Variants in ENTHD1 observed in about 807,000 individuals in gnomAD.
The protein encoded by ENTHD1 is ENTH domain containing 1, also known as ENTH domain-containing protein 1.
In ENTHD1, 23 loss-of-function variants were observed where a neutral mutation model predicts 39.1. That is an observed-to-expected ratio of 0.59 (90% CI 0.42 to 0.83). The LOEUF (loss-of-function observed/expected upper bound fraction) is 0.83. Among genes scored for constraint, ENTHD1 ranks in the 40% least tolerant of loss-of-function variants. ENTHD1 has a pLI of 0.00. For missense variants in ENTHD1, 624 were observed against 705.4 expected (o/e 0.88, Z 1.31); for synonymous variants, 230 against 258.2 (o/e 0.89, Z 1.05).
intron 5 of ENTHD1, among the ~76,000 whole-genome samples, chr22:39,814,035 A>G (rs546965645): frequency 7.7e-4 from 118 of 152,286 alleles, no homozygotes; most frequent in Middle Eastern, 3.4e-3. Flanking sequence ...AAAAAAACAC[A>G]TTAAGGAAGA....
At chr22:39,815,478 A>C (rs1287481873) in intron 5 of ENTHD1, among the ~76,000 whole-genome samples, 3 of 152,068 alleles carry the variant, frequency 2.0e-5, no homozygotes, top group Non-Finnish European at 4.4e-5. Flanking sequence ...ATTTTAGAAC[A>C]AATGATACCC....
intron 5 of ENTHD1, among the ~76,000 whole-genome samples, chr22:39,816,944 A>C (rs766592173): frequency 8.6e-5 from 13 of 151,862 alleles, no homozygotes; most frequent in Admixed American, 3.3e-4. Context: ...ATATATCTCT[A>C]TATATATAGC....
At position 39,848,988 on chromosome 22, in the gene ENTHD1, C is replaced by T. The variant is rs2066013730; in HGVS notation, c.592+12777G>A. On this transcript the variant is annotated intron_variant, in intron 3 of 6. Transcript: ENST00000325157. ...AGTTTTTCTCCACTATTCAAAAATGCCACTTCTGTCATTTACTGATTCCAT... is the reference window on the plus strand; with the variant it reads ...AGTTTTTCTCCACTATTCAAAAATGTCACTTCTGTCATTTACTGATTCCAT... Among the ~76,000 whole-genome samples the T allele has an allele frequency of 1.3e-5, 2 of 152,118 alleles. 1 individual carries two copies. The highest frequency in any genetic ancestry group is 4.1e-4 in the South Asian group (2 of 4,826).
chr22:39,885,832 A>G (rs1285493575), intron 2 of ENTHD1, among the ~76,000 whole-genome samples: 1 of 152,160 alleles, frequency 6.6e-6, no homozygotes, highest in Non-Finnish European at 1.5e-5. Flanking sequence ...CTATTGCTTA[A>G]TGCTTACGGG....
Position 39,765,206 on chromosome 22 carries a change from G to T in ENTHD1, c.1219+17C>A. ...TGTGTGTGTGTGTGTGTGTGTGTGTGTGTTTGGCAGACTCACCCCGTGTGG... is the reference window on the plus strand; with the variant it reads ...TGTGTGTGTGTGTGTGTGTGTGTGTTTGTTTGGCAGACTCACCCCGTGTGG... On this transcript the variant is annotated intron_variant, in intron 6 of 6. Transcript: ENST00000325157. 1.3e-6 allele frequency: 2 copies of T among 1,563,484 alleles called. No individual in the cohort carries two copies.
At chr22:39,797,718 G>A (rs1274650158) in intron 5 of ENTHD1, among the ~76,000 whole-genome samples, 1 of 152,084 alleles carries the variant, frequency 6.6e-6, no homozygotes, top group African/African-American at 2.4e-5. Context: ...TAGTATTCTT[G>A]GCTGGAAAGT....
intron 2 of ENTHD1, among the ~76,000 whole-genome samples, chr22:39,877,189 A>G (rs756089898): frequency 1.3e-5 from 2 of 152,202 alleles, no homozygotes; most frequent in African/African-American, 2.4e-5. Context: ...AGCCTTGCCA[A>G]CTGTTTCTAG....
At chr22:39,761,452 G>C (rs2065232159) in intron 6 of ENTHD1, among the ~76,000 whole-genome samples, 1 of 152,002 alleles carries the variant, frequency 6.6e-6, no homozygotes, top group Admixed American at 6.6e-5. Flanking sequence ...GGGCATTTTG[G>C]ATCTGAAAGT....
intron 5 of ENTHD1, among the ~76,000 whole-genome samples, chr22:39,788,426 G>T (rs2146596430): frequency 6.6e-6 from 1 of 152,332 alleles, no homozygotes; most frequent in South Asian, 2.1e-4. Flanking sequence ...GGAGCCTGAA[G>T]ATGTGACTGG....
intron 6 of ENTHD1, among the ~76,000 whole-genome samples, chr22:39,747,150 G>T (rs561260655): frequency 6.6e-6 from 1 of 152,106 alleles, no homozygotes; most frequent in East Asian, 1.9e-4. Flanking sequence ...CCAATGCCTG[G>T]CTCTTTTCTT....
chr22:39,837,940 T>G (rs746657269), intron 3 of ENTHD1, among the ~76,000 whole-genome samples: 7 of 152,212 alleles, frequency 4.6e-5, no homozygotes, highest in Non-Finnish European at 1.0e-4. Context: ...GAAGGAAACT[T>G]TAAATCTGAT....
At chr22:39,893,641 A>T (rs1034486737) in intron 1 of ENTHD1, 54 bp downstream of exon 1, 1 of 152,174 alleles carries the variant, frequency 6.6e-6, no homozygotes, top group African/African-American at 2.4e-5. Context: ...AAGGCAACCG[A>T]TGTTTCCAGA....
intron 3 of ENTHD1, among the ~76,000 whole-genome samples, chr22:39,852,332 G>A (rs1020307032): frequency 1.3e-5 from 2 of 152,132 alleles, no homozygotes; most frequent in Non-Finnish European, 2.9e-5. Flanking sequence ...GGACAACAGA[G>A]TGAGAGCCTG....
At chr22:39,768,883 A>G (rs748489911) in intron 5 of ENTHD1, among the ~76,000 whole-genome samples, 2 of 152,112 alleles carry the variant, frequency 1.3e-5, no homozygotes, top group Non-Finnish European at 2.9e-5. Flanking sequence ...ATGCACAAGC[A>G]GAAGTCACAA....
chr22:39,892,048 T>C (rs572444943), intron 1 of ENTHD1, among the ~76,000 whole-genome samples: 3 of 152,330 alleles, frequency 2.0e-5, no homozygotes, highest in South Asian at 2.1e-4. Context: ...AGTAAAATTC[T>C]ATAGTTTTGA....
intron 5 of ENTHD1, among the ~76,000 whole-genome samples, chr22:39,800,462 C>T (rs1017132699): frequency 1.3e-5 from 2 of 152,306 alleles, no homozygotes; most frequent in Admixed American, 6.5e-5. Context: ...AAGAATCCTG[C>T]GTGTCTAACC....
chr22:39,860,865 G>A (rs1421666279), intron 3 of ENTHD1, among the ~76,000 whole-genome samples: 3 of 152,174 alleles, frequency 2.0e-5, no homozygotes, highest in Non-Finnish European at 4.4e-5. Context: ...TGGTAGAAAA[G>A]ATGATAGCAT....
At chr22:39,854,568 T>A (rs766551446) in intron 3 of ENTHD1, among the ~76,000 whole-genome samples, 3 of 152,202 alleles carry the variant, frequency 2.0e-5, no homozygotes, top group Non-Finnish European at 4.4e-5. Context: ...TAATTGTCCT[T>A]TTTGTATTGT....
intron 3 of ENTHD1, 141 bp from the exon 4 acceptor site, chr22:39,836,099 A>G (rs2065906218): frequency 1.3e-5 from 7 of 519,786 alleles, no homozygotes; most frequent in Non-Finnish European, 2.4e-5. Flanking sequence ...GTGGTAACCT[A>G]TGAGTGTTAA....
Sources: gnomAD v4.1 joint callset for allele counts (sites outside exome capture counted in the v4.1 genomes callset) on GRCh38, gnomAD v4.1.1 for gene constraint, MANE v1.5 for transcripts, NCBI Gene and HGNC (gene_info 2026-07-23, HGNC 2026-07-21) for gene names.